The following RPS6KA5 variants were observed in gnomAD, a reference collection of about 807,000 sequenced individuals.
RPS6KA5 encodes ribosomal protein S6 kinase alpha-5.
A neutral mutation model predicts 85.5 loss-of-function variants in RPS6KA5; 27 were observed. That is an observed-to-expected ratio of 0.32 (90% confidence interval 0.23 to 0.44). The LOEUF (loss-of-function observed/expected upper bound fraction) is 0.44, where lower values mean the gene tolerates loss of function less well. RPS6KA5 is among the 20% of genes least tolerant of loss of function. The probability of loss-of-function intolerance (pLI) is 1.00; values close to 1 mark genes in which losing one functional copy is unlikely to be tolerated. For synonymous variants in RPS6KA5, 334 were observed against 348.2 expected, an observed-to-expected ratio of 0.96 and a Z score of 0.46; for missense variants, 811 against 980.9, an observed-to-expected ratio of 0.83 and a Z score of 2.31.
rs572477464 is a variant in RPS6KA5, at chr14:90,978,882, T to C, written c.176-358A>G. On this transcript the variant is annotated intron_variant, in intron 2 of 16. Transcript: ENST00000614987. Reference sequence around the variant, plus strand: ...CATTTTAGACATCAGATAAAACTTCTAGATATATATATATTTATTACTGAT... The same window carrying C: ...CATTTTAGACATCAGATAAAACTTCCAGATATATATATATTTATTACTGAT... Among the ~76,000 whole-genome samples, 8 of 152,282 alleles carry C rather than the reference T, an allele frequency of 5.3e-5. No homozygotes were observed. In the South Asian group the frequency reaches 1.7e-3, roughly 32 times the overall value.
intron 1 of RPS6KA5, among the ~76,000 whole-genome samples, chr14:91,036,355 C>G (rs1000074301): frequency 6.6e-6 from 1 of 152,312 alleles, no homozygotes; most frequent in Admixed American, 6.5e-5. Flanking sequence ...CAGTTTAGAA[C>G]TAAACTCTAC....
At chr14:90,999,859 A>G (rs933317080) in intron 2 of RPS6KA5, among the ~76,000 whole-genome samples, 2 of 152,200 alleles carry the variant, frequency 1.3e-5, no homozygotes, top group Non-Finnish European at 2.9e-5. Flanking sequence ...GGTGGTAGCA[A>G]AAATTCAGAA....
At chr14:90,926,089 C>G (rs901390059) in intron 5 of RPS6KA5, among the ~76,000 whole-genome samples, 1 of 151,910 alleles carries the variant, frequency 6.6e-6, no homozygotes, top group African/African-American at 2.4e-5. Context: ...ACTTTTGCAA[C>G]ATTCTGGATA....
intron 14 of RPS6KA5, among the ~76,000 whole-genome samples, chr14:90,887,107 T>A (rs1483012539): frequency 6.6e-6 from 1 of 152,174 alleles, no homozygotes; most frequent in East Asian, 1.9e-4. Flanking sequence ...AAGCACTCTT[T>A]TTTTTCGGAT....
intron 1 of RPS6KA5, among the ~76,000 whole-genome samples, chr14:91,010,751 A>C (rs559861631): frequency 1.3e-5 from 2 of 152,224 alleles, no homozygotes; most frequent in African/African-American, 4.8e-5. Context: ...CTTAAGACAG[A>C]TGACAGAGAA....
At chr14:90,987,699 C>CAA (rs56955525) in intron 2 of RPS6KA5, among the ~76,000 whole-genome samples, 7,178 of 149,602 alleles carry the variant, frequency 0.048, 300 homozygotes, top group African/African-American at 0.11. Context: ...GCAGCAGCAG[C>CAA]CACAACAACA....
At position 90,900,869 on chromosome 14, in the gene RPS6KA5, A is replaced by G. The variant is rs1595163636; in HGVS notation, c.1120-133T>C. On this transcript the variant is annotated intron_variant, in intron 9 of 16. Coordinates refer to ENST00000614987, the MANE Select transcript of RPS6KA5 (RefSeq NM_004755.4). The stretch of plus-strand genomic sequence containing the variant: ...GTTGAGATGAGTCTAATTTTATTTT[A>G]TTTGCAATCTAAAATGCAAGGTTAT... 3.9e-5 allele frequency: 28 copies of G among 711,116 alleles called. No homozygotes were observed. The East Asian group carries it at 7.7e-4, about 20-fold the overall frequency. The allele number at this position is 711,116 out of a possible 1,614,324, so 44.1% of individuals were successfully genotyped here. A position where few individuals can be genotyped will look rare whatever the true frequency, so the allele number is the denominator to read the frequency against.
At chr14:91,027,197 G>T (rs1265448276) in intron 1 of RPS6KA5, among the ~76,000 whole-genome samples, 1 of 152,112 alleles carries the variant, frequency 6.6e-6, no homozygotes, top group African/African-American at 2.4e-5. Flanking sequence ...TCCAAAGTCC[G>T]AGGTATTTCC....
At chr14:90,930,406 C>G (rs1040787591) in intron 5 of RPS6KA5, among the ~76,000 whole-genome samples, 3 of 152,048 alleles carry the variant, frequency 2.0e-5, no homozygotes, top group African/African-American at 7.2e-5. Context: ...ATTTTATACC[C>G]TAAATGTAAG....
chr14:90,983,003 C>T (rs1447288487), intron 2 of RPS6KA5, among the ~76,000 whole-genome samples: 1 of 151,986 alleles, frequency 6.6e-6, no homozygotes, highest in Non-Finnish European at 1.5e-5. Flanking sequence ...GTCCCAGCTG[C>T]TCGGGAGGCT....
At chr14:90,915,770 T>C (rs989707436) in intron 7 of RPS6KA5, among the ~76,000 whole-genome samples, 2 of 151,904 alleles carry the variant, frequency 1.3e-5, no homozygotes, top group African/African-American at 4.8e-5. Context: ...CAGGCCACTA[T>C]ATCCAGACTT....
At chr14:90,948,701 A>C (rs1001785972) in intron 3 of RPS6KA5, among the ~76,000 whole-genome samples, 6 of 151,686 alleles carry the variant, frequency 4.0e-5, no homozygotes, top group Non-Finnish European at 8.8e-5. Context: ...TCTCAAAAAA[A>C]AAAACAAAAA....
chr14:90,975,947 G>A (rs1210546879), intron 3 of RPS6KA5, among the ~76,000 whole-genome samples: 5 of 152,092 alleles, frequency 3.3e-5, no homozygotes, highest in Admixed American at 6.5e-5. Context: ...TCCAGTTCAC[G>A]TTCCATTCTT....
rs546120288 is a variant in RPS6KA5 at position 90,866,462 on chromosome 14, T to A, written c.*5612A>T. On this transcript the variant is annotated 3_prime_UTR_variant, in exon 17 of 17. Coordinates refer to ENST00000614987, the MANE Select transcript of RPS6KA5 (RefSeq NM_004755.4). ...CGGCCAGGGTGACAGAGTGAGACCC[T>A]GTCTCACACAAAGGCAACTCATTTG... The A allele has an allele frequency of 1.2e-4, 19 of 152,320 alleles. 1 individual carries two copies. The Middle Eastern group carries it at 0.027, about 218-fold the overall frequency. 9.4% of individuals were successfully genotyped at this position (152,320 alleles called of 1,614,324 possible). A position where few individuals can be genotyped will look rare whatever the true frequency, so the allele number is the denominator to read the frequency against.
At chr14:90,947,643 C>A (rs2140369377) in intron 3 of RPS6KA5, 93 bp from the exon 4 acceptor site, 1 of 719,074 alleles carries the variant, frequency 1.4e-6, no homozygotes, top group East Asian at 2.7e-5. Context: ...CCATAAGGCA[C>A]TGATTTTAAT....
In RPS6KA5 at chr14:90,890,527, T is replaced by C. The variant is rs55968863; in HGVS notation, c.1796A>G (p.Tyr599Cys). ...AAPELLNQNG[Y>C]DESCDLWSLG... The stretch of plus-strand genomic sequence containing the variant: ...GCTCCACAGGTCACAGGACTCATCG[T>C]AGCCGTTCTGATTCAAGAGCTCTGG... Residue 599 changes from tyrosine (Y) to cysteine (C), a missense_variant, in exon 14 of 17, where the codon TAC becomes TGC. Coordinates refer to ENST00000614987, the MANE Select transcript of RPS6KA5 (RefSeq NM_004755.4). 61 of 1,614,036 alleles carry C rather than the reference T, an allele frequency of 3.8e-5. No individual in the cohort carries two copies. Among genetic ancestry groups the C allele is most frequent in the Non-Finnish European group, 4.7e-5 (56 of 1,180,002 alleles).
chr14:90,962,618 G>C (rs534449970), intron 3 of RPS6KA5, among the ~76,000 whole-genome samples: 1 of 149,912 alleles, frequency 6.7e-6, no homozygotes, highest in Non-Finnish European at 1.5e-5. Flanking sequence ...ATAGGGTCTC[G>C]CTCTGTTGCC....
intron 1 of RPS6KA5, among the ~76,000 whole-genome samples, chr14:91,056,867 C>CTTTTTTTTTTTTTTTTT (rs34807092): frequency 5.1e-5 from 2 of 38,850 alleles, no homozygotes; most frequent in Non-Finnish European, 9.2e-5. Context: ...GCAGTATTAT[C>CTTTTTTTTTTTTTTTTT]TTTTTTTTTT....
At chr14:90,942,920 C>G (rs747868210) in intron 5 of RPS6KA5, among the ~76,000 whole-genome samples, 158 bp downstream of exon 5, 2 of 152,166 alleles carry the variant, frequency 1.3e-5, no homozygotes, top group African/African-American at 4.8e-5. Context: ...CGGCTCCATA[C>G]GAATTTTAAA....
Sources: gnomAD v4.1 joint callset for allele counts (sites outside exome capture counted in the v4.1 genomes callset) on GRCh38, gnomAD v4.1.1 for gene constraint, MANE v1.5 for transcripts, NCBI Gene and HGNC (gene_info 2026-07-23, HGNC 2026-07-21) for gene names.